The following ARVCF variants were observed in gnomAD, a reference collection of about 807,000 sequenced individuals.
The protein encoded by ARVCF is ARVCF delta catenin family member.
Under a neutral mutation model 90.9 loss-of-function variants are expected in ARVCF, and 66 were observed. The ratio of observed to expected loss-of-function variants is 0.73; its 90% CI spans 0.60 to 0.89. The LOEUF (loss-of-function observed/expected upper bound fraction) is 0.89. Ranked by LOEUF, ARVCF falls within the 40% of genes least tolerant of loss-of-function variation. The pLI is 0.00. For synonymous variants in ARVCF, 653 were observed against 603.4 expected (o/e 1.08, Z -1.21); for missense variants, 1,469 against 1,382.3 (o/e 1.06, Z -1.00).
chr22:19,987,019 G>T (rs543999958), intron 3 of ARVCF: 3 of 647,298 alleles, frequency 4.6e-6, no homozygotes, highest in African/African-American at 3.8e-5. Flanking sequence ...CCGACGCCCC[G>T]CCCTCTGCCT....
intron 2 of ARVCF, among the ~76,000 whole-genome samples, chr22:19,997,341 G>T (rs1240541856): frequency 6.6e-5 from 10 of 152,216 alleles, no homozygotes; most frequent in Non-Finnish European, 1.5e-4. Context: ...GAGCCACAGG[G>T]AGCCACTGCT....
intron 3 of ARVCF, among the ~76,000 whole-genome samples, chr22:19,982,899 C>T (rs1398329007): frequency 5.9e-5 from 9 of 152,184 alleles, no homozygotes; most frequent in East Asian, 1.9e-4. Flanking sequence ...CATGGGGTGA[C>T]GACACTGGAA....
At chr22:19,988,222 T>C (rs1020810076) in intron 3 of ARVCF, among the ~76,000 whole-genome samples, 5 of 152,198 alleles carry the variant, frequency 3.3e-5, no homozygotes, top group Non-Finnish European at 7.3e-5. Flanking sequence ...GTACCCACCA[T>C]GTGCCCCTCT....
At chr22:19,978,843 A>G in intron 7 of ARVCF, 54 bp downstream of exon 7, 1 of 1,561,882 alleles carries the variant, frequency 6.4e-7, no homozygotes, top group Non-Finnish European at 8.7e-7. Flanking sequence ...ATCTGGGACC[A>G]CGAGGACGGG....
chr22:20,002,419 T>C (rs1433410355), intron 2 of ARVCF, among the ~76,000 whole-genome samples: 1 of 152,174 alleles, frequency 6.6e-6, no homozygotes, highest in Non-Finnish European at 1.5e-5. Flanking sequence ...GGCTCCCGTC[T>C]CTCACAGCTC....
chr22:20,003,777 G>C (rs985169861), intron 2 of ARVCF, among the ~76,000 whole-genome samples: 1 of 152,224 alleles, frequency 6.6e-6, no homozygotes, highest in Non-Finnish European at 1.5e-5. Flanking sequence ...AATGGTGAAA[G>C]ACTGAAAGCT....
At position 19,971,908 on chromosome 22, in the gene ARVCF, G is replaced by A. The variant is rs772252724; in HGVS notation, c.2759C>T (p.Ala920Val). The A allele has an allele frequency of 1.9e-6, 3 of 1,613,262 alleles. No homozygotes were observed. The highest frequency in any genetic ancestry group is 2.5e-6 in the Non-Finnish European group (3 of 1,179,870). ...TACTTTCAAGGGTTCCTTCTCAGAG[G>A]CCTCTCCTGCAGAGCTGGCGCCCCG... ...RPRGASSAGE[A>V]SEKEPLKLDP... is the part of the protein sequence containing the mutation. The change falls in exon 18 of 20, where the codon GCC (alanine) becomes GTC (valine). Residue 920 changes from alanine to valine, a missense_variant. Coordinates refer to ENST00000263207, the MANE Select transcript of ARVCF (RefSeq NM_001670.3).
downstream of ARVCF, chr22:19,967,138 C>A: frequency 1.5e-6 from 2 of 1,298,236 alleles, no homozygotes; most frequent in Non-Finnish European, 2.0e-6. Flanking sequence ...GCCCTTCCCT[C>A]CTTCTTTCCT....
intron 6 of ARVCF, chr22:19,979,521 G>T: frequency 2.9e-6 from 2 of 691,044 alleles, no homozygotes; most frequent in Non-Finnish European, 4.7e-6. Context: ...GGACATGCCC[G>T]AGGGGCGCAG....
At position 19,980,077 on chromosome 22, in the gene ARVCF, G is replaced by C. The variant is rs760908434; in HGVS notation, c.1062C>G (p.Arg354=). The C allele has an allele frequency of 6.3e-7, 1 of 1,583,494 alleles. No homozygotes were observed. The highest frequency in any genetic ancestry group is 8.6e-7 in the Non-Finnish European group (1 of 1,165,564). ...PSVDSARKEP[R]WRDPELPEVL... is the part of the protein sequence containing the mutation. ...CCTCAGGCAGCTCAGGGTCCCGCCA[G>C]CGCGGCTCCTTGCGGGCGCTATCCA... Residue 354 remains arginine (R), a synonymous_variant, in exon 6 of 20, where the codon CGC becomes CGG. Transcript: ENST00000263207.
chr22:19,966,037 T>C (rs1007577791), downstream of ARVCF, among the ~76,000 whole-genome samples: 3 of 152,248 alleles, frequency 2.0e-5, no homozygotes, highest in African/African-American at 7.2e-5. Context: ...TACAGGGGCC[T>C]GCCTTCATAG....
intron 2 of ARVCF, 94 bp from the exon 3 acceptor site, chr22:19,990,906 T>C: frequency 2.4e-6 from 3 of 1,252,938 alleles, no homozygotes; most frequent in Non-Finnish European, 3.3e-6. Context: ...ACCATACAAC[T>C]CACTCCCAGA....
In ARVCF at chr22:19,975,819, G is replaced by A. The variant is rs952167445; in HGVS notation, c.1889-62C>T. 1.2e-5 allele frequency: 19 copies of A among 1,566,804 alleles called. No individual in the cohort carries two copies. In the African/African-American group the frequency reaches 2.2e-4, roughly 18 times the overall value. ...CATATGGGGAATGGGTGTATCAGGA[G>A]AGTTGGGCACAGTTCTCTCCTACCC... On this transcript the variant is annotated intron_variant, in intron 10 of 19. Coordinates refer to ENST00000263207, the MANE Select transcript of ARVCF (RefSeq NM_001670.3).
intron 2 of ARVCF, among the ~76,000 whole-genome samples, chr22:20,009,613 A>G (rs1474636526): frequency 6.6e-6 from 1 of 152,218 alleles, no homozygotes; most frequent in Non-Finnish European, 1.5e-5. Flanking sequence ...CTCTTAAGCC[A>G]TCACCCACTC....
downstream of ARVCF, chr22:19,967,620 A>G (rs1490132108): frequency 3.0e-6 from 1 of 331,182 alleles, no homozygotes; most frequent in African/African-American, 2.2e-5. Context: ...CCCATCCCAG[A>G]GGCATGTGGG....
chr22:19,992,308 C>T (rs1012108233), intron 2 of ARVCF, among the ~76,000 whole-genome samples: 4 of 152,216 alleles, frequency 2.6e-5, no homozygotes, highest in African/African-American at 9.7e-5. Flanking sequence ...TGTTTTAAGC[C>T]AGCCACAGAA....
At chr22:19,987,214 A>G (rs1434637094) in intron 3 of ARVCF, 3 of 353,780 alleles carry the variant, frequency 8.5e-6, no homozygotes, top group African/African-American at 6.5e-5. Context: ...GCGGGGGCGG[A>G]TCTGGCGGCG....
intron 6 of ARVCF, chr22:19,979,538 C>T: frequency 1.3e-6 from 1 of 781,434 alleles, no homozygotes; most frequent in Non-Finnish European, 2.0e-6. Context: ...GCAGCGTCAG[C>T]CTCCCTGCTA....
At chr22:19,965,807 G>A (rs1942360028), downstream of ARVCF, among the ~76,000 whole-genome samples, 1 of 152,038 alleles carries the variant, frequency 6.6e-6, no homozygotes, top group Non-Finnish European at 1.5e-5. Context: ...TAGTGGCCAA[G>A]GGGGTGGGCA....
Sources: allele counts gnomAD v4.1 joint callset (sites outside exome capture counted in the v4.1 genomes callset), GRCh38; gene constraint gnomAD v4.1.1; transcripts MANE v1.5; gene names NCBI Gene and HGNC (gene_info 2026-07-23, HGNC 2026-07-21).